RHOH: variants seen among roughly 807,000 people sequenced by gnomAD.
The protein encoded by RHOH is ras homolog family member H, also known as rho-related GTP-binding protein RhoH.
Under a neutral mutation model 13.8 loss-of-function variants are expected in RHOH, and 6 were observed. The observed-to-expected ratio is 0.44, with a 90% CI of 0.24 to 0.86. The LOEUF (loss-of-function observed/expected upper bound fraction) is 0.86, where lower values mean the gene tolerates loss of function less well. Among genes scored for constraint, RHOH ranks in the 40% least tolerant of loss-of-function variants. The probability of loss-of-function intolerance (pLI) is 0.24; values close to 1 mark genes in which losing one functional copy is unlikely to be tolerated. For synonymous variants in RHOH, 117 were observed against 103.0 expected, an observed-to-expected ratio of 1.14 and a Z score of -0.82; for missense variants, 147 against 244.5, an observed-to-expected ratio of 0.60 and a Z score of 2.66.
chr4:40,241,676 G>A (rs558166078), intron 1 of RHOH, among the ~76,000 whole-genome samples: 1 of 152,236 alleles, frequency 6.6e-6, no homozygotes, highest in East Asian at 1.9e-4. Flanking sequence ...GATCCCTGAG[G>A]CCAGGAGTTC....
At chr4:40,241,868 C>T (rs1021273025) in intron 1 of RHOH, among the ~76,000 whole-genome samples, 2 of 151,792 alleles carry the variant, frequency 1.3e-5, no homozygotes, top group Non-Finnish European at 2.9e-5. Context: ...CCAGTCTGGG[C>T]GACAGAGCGA....
chr4:40,216,673 G>A (rs534671342), intron 1 of RHOH, among the ~76,000 whole-genome samples: 13 of 152,144 alleles, frequency 8.5e-5, no homozygotes, highest in African/African-American at 3.1e-4. Context: ...AATGTTTTTA[G>A]TAGGTATATG....
At chr4:40,213,363 T>C (rs55975433) in intron 1 of RHOH, among the ~76,000 whole-genome samples, 6,076 of 149,938 alleles carry the variant, frequency 0.041, 259 homozygotes, top group African/African-American at 0.1. Flanking sequence ...CGTTTCTCTT[T>C]TTTTTTTTTT....
At chr4:40,193,479 C>CGAGAGCGAGA (rs1553931965), upstream of RHOH, among the ~76,000 whole-genome samples, 1 of 88,664 alleles carries the variant, frequency 1.1e-5, no homozygotes, top group East Asian at 4.7e-4. Context: ...AGAATGAGAG[C>CGAGAGCGAGA]GAGAGAGAGA....
chr4:40,227,030 A>C (rs769808346), intron 1 of RHOH, among the ~76,000 whole-genome samples: 12 of 152,074 alleles, frequency 7.9e-5, no homozygotes, highest in African/African-American at 1.2e-4. Context: ...GTGGTGGTGC[A>C]TGCCTGTAAT....
chr4:40,231,651 C>T (rs891995555), intron 1 of RHOH, among the ~76,000 whole-genome samples: 20 of 152,230 alleles, frequency 1.3e-4, no homozygotes, highest in Admixed American at 9.2e-4. Flanking sequence ...TTCAGGCCTG[C>T]GTGTCAGTTC....
chr4:40,197,138 A>G lies in RHOH; in HGVS notation c.-493A>G, dbSNP rs1052018184. On this transcript the variant is annotated 5_prime_UTR_variant, in exon 1 of 3. Coordinates refer to ENST00000381799, the MANE Select transcript of RHOH (RefSeq NM_004310.5). ...ATTTTCAGTTCTTCCAGTGTGAATC[A>G]GTTAATATTCTCGGGAACGAGGGAG... is the stretch of plus-strand genomic sequence containing the variant. 1 of 152,324 alleles carries G rather than the reference A, an allele frequency of 6.6e-6. No homozygotes were observed. Among genetic ancestry groups the G allele is most frequent in the South Asian group, 2.1e-4 (1 of 4,826 alleles). 9.4% of individuals were successfully genotyped at this position (152,324 alleles called of 1,614,324 possible).
chr4:40,194,681 A>T (rs1722944636), upstream of RHOH, among the ~76,000 whole-genome samples: 1 of 152,196 alleles, frequency 6.6e-6, no homozygotes, highest in African/African-American at 2.4e-5. Flanking sequence ...CGGCCCATGA[A>T]GTCATTTTTC....
Position 40,244,096 on chromosome 4 carries a change from A to T in RHOH, c.*134A>T, listed in dbSNP as rs559264717. Reference sequence around the variant, plus strand: ...GCAGCGTCTCCTTTTGGATACAGTTATTGATGAGGCTTGGCCACTGGATGT... The same window carrying T: ...GCAGCGTCTCCTTTTGGATACAGTTTTTGATGAGGCTTGGCCACTGGATGT... On this transcript the variant is annotated 3_prime_UTR_variant, in exon 3 of 3. Coordinates refer to ENST00000381799, the MANE Select transcript of RHOH (RefSeq NM_004310.5). 1 of 703,098 alleles carries T rather than the reference A, an allele frequency of 1.4e-6. No individual in the cohort carries two copies. Among genetic ancestry groups the T allele is most frequent in the Admixed American group, 3.0e-5 (1 of 33,534 alleles). The allele number at this position is 703,098 out of a possible 1,614,324, so 43.6% of individuals were successfully genotyped here. A position where few individuals can be genotyped will look rare whatever the true frequency, so the allele number is the denominator to read the frequency against.
chr4:40,216,071 G>A (rs1473905379), intron 1 of RHOH, among the ~76,000 whole-genome samples: 1 of 151,504 alleles, frequency 6.6e-6, no homozygotes, highest in Non-Finnish European at 1.5e-5. Flanking sequence ...ATTTCTTTCA[G>A]CTGACAAATG....
chr4:40,203,129 GC>G (rs1165933074), intron 1 of RHOH, among the ~76,000 whole-genome samples: 1 of 152,068 alleles, frequency 6.6e-6, no homozygotes, highest in Non-Finnish European at 1.5e-5. Flanking sequence ...CCGCCACCAG[GC>G]CCCGCTAATT....
intron 1 of RHOH, among the ~76,000 whole-genome samples, chr4:40,199,122 A>C (rs1373887589): frequency 6.6e-6 from 1 of 152,208 alleles, no homozygotes; most frequent in Non-Finnish European, 1.5e-5. Flanking sequence ...AAATTCACAA[A>C]ATATCTCTAA....
chr4:40,195,409 CCTT>C (rs754025622), upstream of RHOH, among the ~76,000 whole-genome samples: 1,692 of 139,914 alleles, frequency 0.012, 23 homozygotes, highest in Middle Eastern at 0.023. Context: ...TTCCTTCCTT[CCTT>C]CCTTCCCTCC....
chr4:40,209,392 CA>C (rs1724998933), intron 1 of RHOH: 1 of 152,188 alleles, frequency 6.6e-6, no homozygotes, highest in Non-Finnish European at 1.5e-5. Context: ...GTGATGAATA[CA>C]GACGATTATT....
At chr4:40,213,362 T>C (rs11456377) in intron 1 of RHOH, among the ~76,000 whole-genome samples, 13,868 of 59,480 alleles carry the variant, frequency 0.23, 886 homozygotes, top group Non-Finnish European at 0.34. Flanking sequence ...TCGTTTCTCT[T>C]TTTTTTTTTT....
chr4:40,238,196 A>T (rs1213782725), intron 1 of RHOH, among the ~76,000 whole-genome samples: 6 of 147,414 alleles, frequency 4.1e-5, no homozygotes, highest in Admixed American at 4.1e-4. Context: ...TGGCGGGGGC[A>T]TCTGATCTGG....
At chr4:40,199,176 G>T (rs189539294) in intron 1 of RHOH, among the ~76,000 whole-genome samples, 3 of 152,004 alleles carry the variant, frequency 2.0e-5, no homozygotes, top group Non-Finnish European at 2.9e-5. Context: ...GAGGGTTGTC[G>T]TAGAGATCAA....
In RHOH at chr4:40,216,055, A is replaced by T. The variant is rs371624607; in HGVS notation, c.-331+18755A>T. Among the ~76,000 whole-genome samples, 21 of 151,424 alleles carry T rather than the reference A, an allele frequency of 1.4e-4. No individual in the cohort carries two copies. In the South Asian group the frequency reaches 4.4e-3, roughly 32 times the overall value. ...ACTGCAGCTCGTTTTCCGCTTTTTC[A>T]TCGCCATTTCTTTCAGCTGACAAAT... On this transcript the variant is annotated intron_variant, in intron 1 of 2. Transcript: ENST00000381799.
In RHOH at chr4:40,231,374, T is replaced by G. The variant is rs373170368; in HGVS notation, c.-330-11340T>G. 3.6e-4 allele frequency among the ~76,000 whole-genome samples: 53 copies of G among 148,536 alleles called. No individual in the cohort carries two copies. In the South Asian group the frequency reaches 0.01, roughly 29 times the overall value. On this transcript the variant is annotated intron_variant, in intron 1 of 2. Coordinates refer to ENST00000381799, the MANE Select transcript of RHOH (RefSeq NM_004310.5). ...ACATAGAAGAGAACATGTTTCTAGCTAAAGATTTCATGTCAAAGCTCATGG... is the reference window on the plus strand; with the variant it reads ...ACATAGAAGAGAACATGTTTCTAGCGAAAGATTTCATGTCAAAGCTCATGG...
Sources: allele counts gnomAD v4.1 joint callset (sites outside exome capture counted in the v4.1 genomes callset), GRCh38; gene constraint gnomAD v4.1.1; transcripts MANE v1.5; gene names NCBI Gene and HGNC (gene_info 2026-07-23, HGNC 2026-07-21).